The following UBA7 variants were observed in gnomAD, a reference collection of about 807,000 sequenced individuals.
UBA7 encodes ubiquitin-like modifier-activating enzyme 7.
A neutral mutation model predicts 113.0 loss-of-function variants in UBA7; 88 were observed. The observed-to-expected ratio is 0.78, with a 90% CI of 0.66 to 0.93. The LOEUF (loss-of-function observed/expected upper bound fraction) is 0.93. UBA7 is among the 40% of genes least tolerant of loss of function. The pLI is 0.00. For synonymous variants in UBA7, 459 were observed against 513.0 expected, an observed-to-expected ratio of 0.89 and a Z score of 1.42; for missense variants, 1,092 against 1,266.4, an observed-to-expected ratio of 0.86 and a Z score of 2.09.
At chr3:49,806,407 G>A in intron 21 of UBA7, 2 of 579,262 alleles carry the variant, frequency 3.5e-6, no homozygotes, top group South Asian at 2.1e-5. Flanking sequence ...CATCACATGG[G>A]CCAGTTGTGA....
At chr3:49,811,214 G>T (rs1419295939) in intron 9 of UBA7, 59 bp downstream of exon 9, 1 of 1,607,716 alleles carries the variant, frequency 6.2e-7, no homozygotes, top group Non-Finnish European at 8.5e-7. Context: ...GGTGCCCTCT[G>T]ACACACACAC....
At chr3:49,811,835 C>A (rs746197925) in intron 8 of UBA7, 35 bp downstream of exon 8, 56 of 1,607,540 alleles carry the variant, frequency 3.5e-5, no homozygotes, top group Non-Finnish European at 4.5e-5. Context: ...CAATAAATGA[C>A]AGAGGCTGGG....
chr3:49,808,099 T>A lies in UBA7; in HGVS notation c.2444A>T (p.Asn815Ile). Reference sequence around the variant, plus strand: ...CGCTACCACAAAGTCCACATGGAAGTTGCTGTCATCATCCTGTAAGGCCCA... The same window carrying A: ...CGCTACCACAAAGTCCACATGGAAGATGCTGTCATCATCCTGTAAGGCCCA... ...PLMFEKDDDSNFHVDFVVAAA... is the reference protein window; with the variant it reads ...PLMFEKDDDSIFHVDFVVAAA... Residue 815 changes from asparagine (N) to isoleucine (I), a missense_variant, in exon 20 of 24, where the codon AAC becomes ATC. By Grantham distance (149) the Asn-to-Ile change is moderately radical. Around this residue, in one of 3 missense-constraint regions of UBA7, gnomAD observed 500 missense variants for 529.3 expected, o/e 0.94. Coordinates refer to ENST00000333486, the MANE Select transcript of UBA7 (RefSeq NM_003335.3). The A allele has an allele frequency of 6.2e-7, 1 of 1,614,066 alleles. No homozygotes were observed. The highest frequency in any genetic ancestry group is 1.1e-5 in the South Asian group (1 of 91,058).
In UBA7 at chr3:49,807,707, G is replaced by T; in HGVS notation, c.2715+29C>A. The T allele has an allele frequency of 1.3e-6, 2 of 1,575,610 alleles. No individual in the cohort carries two copies. Among genetic ancestry groups the T allele is most frequent in the South Asian group, 1.2e-5 (1 of 84,168 alleles). ...GTGCAGGGGAAACCCAGGCCTAGTA[G>T]GGCTAAGGGTGGGGTATCATGGGCT... On this transcript the variant is annotated intron_variant, in intron 21 of 23. Transcript: ENST00000333486. The surrounding 1 kb of genome is among the most constrained non-coding windows in gnomAD (Gnocchi z 4.0).
chr3:49,807,982 C>T lies in UBA7; in HGVS notation c.2523+38G>A. 6.2e-7 allele frequency: 1 copy of T among 1,614,064 alleles called. No homozygotes were observed. The highest frequency in any genetic ancestry group is 8.5e-7 in the Non-Finnish European group (1 of 1,179,962). ...CCAAGGCGTAGGGCCAGGGTTTGCC[C>T]TCCACCTCCAGGCCCAAGCCTCAAG... On this transcript the variant is annotated intron_variant, in intron 20 of 23. Transcript: ENST00000333486. The surrounding 1 kb of genome is among the most constrained non-coding windows in gnomAD (Gnocchi z 4.0).
chr3:49,809,490 G>A (rs1197201978), intron 16 of UBA7, 26 bp from the exon 17 acceptor site: 1 of 1,613,802 alleles, frequency 6.2e-7, no homozygotes, highest in African/African-American at 1.3e-5. Flanking sequence ...GAAGCTGCTG[G>A]GCTCAGTCTG....
At position 49,805,883 on chromosome 3, in the gene UBA7, C is replaced by T. The variant is rs1256638677; in HGVS notation, c.2909+14G>A. On this transcript the variant is annotated intron_variant, in intron 23 of 23. Transcript: ENST00000333486. ...GGACTGGTGGGGCCTGTCTAAAGCC[C>T]CAAGTGGGCTCACCTGAGGGGCAGG... 6.4e-7 allele frequency: 1 copy of T among 1,551,128 alleles called. No individual in the cohort carries two copies. Among genetic ancestry groups the T allele is most frequent in the Non-Finnish European group, 8.7e-7 (1 of 1,147,098 alleles).
chr3:49,812,064 C>G, intron 7 of UBA7, 45 bp downstream of exon 7: 1 of 1,614,196 alleles, frequency 6.2e-7, no homozygotes, highest in Non-Finnish European at 8.5e-7. Context: ...CTATGGGCCC[C>G]TCAAGGCGAC....
At position 49,809,101 on chromosome 3, in the gene UBA7, A is replaced by G; in HGVS notation, c.2222T>C (p.Leu741Pro). ...AANLYAQMHG[L>P]PGSQDWTALR... ...TGCAGTCCAGTCCTGTGAGCCAGGC[A>G]GCCCATGCATCTGGGCATACAGGTT... The change falls in exon 18 of 24, where the codon CTG becomes CCG. Residue 741 changes from leucine to proline, a missense_variant. This residue lies in a region of UBA7 where 500 missense variants were observed against 529.3 expected (regional missense o/e 0.94). Transcript: ENST00000333486. 6.2e-7 allele frequency: 1 copy of G among 1,613,636 alleles called. No individual in the cohort carries two copies. The highest frequency in any genetic ancestry group is 2.2e-5 in the East Asian group (1 of 44,876).
Position 49,810,066 on chromosome 3 carries a change from G to C in UBA7, c.1751C>G (p.Ala584Gly). The part of the protein sequence containing the change: ...FMPHVTEAYR[A>G]PASAAASEDA... ...CTCAGAAGCTGCAGCTGAGGCAGGG[G>C]CTCTGTAGGCCTCAGTCACATGTGG... Residue 584 changes from alanine (A) to glycine (G), a missense_variant, in exon 14 of 24, where the codon GCC becomes GGC. Transcript: ENST00000333486. The surrounding 1 kb of genome is among the most constrained non-coding windows in gnomAD (Gnocchi z 5.6). The C allele has an allele frequency of 6.2e-7, 1 of 1,613,482 alleles. No homozygotes were observed. Among genetic ancestry groups the C allele is most frequent in the Non-Finnish European group, 8.5e-7 (1 of 1,179,996 alleles).
At chr3:49,812,943 G>T in intron 4 of UBA7, 119 bp downstream of exon 4, 3 of 1,270,746 alleles carry the variant, frequency 2.4e-6, no homozygotes, top group South Asian at 1.4e-5. Context: ...AATCAGAAAG[G>T]CATGCTGGGA....
intron 8 of UBA7, 192 bp downstream of exon 8, chr3:49,811,678 A>G: frequency 8.8e-7 from 1 of 1,140,108 alleles, no homozygotes; most frequent in Non-Finnish European, 1.2e-6. Flanking sequence ...CTTCCAGCAC[A>G]GATCTGAGGG....
chr3:49,813,006 G>A, intron 4 of UBA7, 56 bp downstream of exon 4: 1 of 1,575,182 alleles, frequency 6.3e-7, no homozygotes, highest in Non-Finnish European at 8.7e-7. Flanking sequence ...GCTGAGGACA[G>A]CATGAGGCCA....
rs1252286794 is a variant in UBA7 at position 49,807,444 on chromosome 3, C to T, written c.2715+292G>A. Among the ~76,000 whole-genome samples, 1 of 152,166 alleles carries T rather than the reference C, an allele frequency of 6.6e-6. No homozygotes were observed. Among genetic ancestry groups the T allele is most frequent in the East Asian group, 1.9e-4 (1 of 5,194 alleles). ...CCACTACCTACCCCTCAGGGGTACT[C>T]CAAGGAAGGAGGGGACTGTGGGGGA... On this transcript the variant is annotated intron_variant, in intron 21 of 23. Transcript: ENST00000333486. This position sits in a 1 kb window ranked among gnomAD's most constrained non-coding sequence, Gnocchi z 4.0.
chr3:49,805,427 G>C lies in UBA7; in HGVS notation c.2920C>G (p.Leu974Val). 2 of 1,602,292 alleles carry C rather than the reference G, an allele frequency of 1.2e-6. No homozygotes were observed. Among genetic ancestry groups the C allele is most frequent in the Non-Finnish European group, 1.7e-6 (2 of 1,176,200 alleles). The change falls in exon 24 of 24, where the codon CTG becomes GTG. Residue 974 changes from leucine (L) to valine (V), a missense_variant. Coordinates refer to ENST00000333486, the MANE Select transcript of UBA7 (RefSeq NM_003335.3). ...AQHLPLRVTE[L>V]VQQLTGQAPA... ...GCCTGGCCTGTCAGCTGCTGAACCA[G>C]TTCTGTCACCCTGGTAGGGGTGGGT...
rs371092189 is a variant in UBA7 at position 49,809,848 on chromosome 3, C to G, written c.1871G>C (p.Arg624Pro). 11 of 1,613,954 alleles carry G rather than the reference C, an allele frequency of 6.8e-6. No individual in the cohort carries two copies. The highest frequency in any genetic ancestry group is 9.3e-6 in the Non-Finnish European group (11 of 1,180,014). Residue 624 changes from arginine to proline, a missense_variant, in exon 15 of 24, where the codon CGA (arginine) becomes CCA (proline). Around this residue, in one of 3 missense-constraint regions of UBA7, gnomAD observed 500 missense variants for 529.3 expected, o/e 0.94. Transcript: ENST00000333486. The stretch of plus-strand genomic sequence containing the variant: ...GTGGTTGATGGTCTCTGCAGACAGT[C>G]GGAAGAGTTCTTCAAACTCATGCCG... The part of the protein sequence containing the change: ...WARHEFEELF[R>P]LSAETINHHQ...
At chr3:49,811,234 C>A (rs758140512) in intron 9 of UBA7, 39 bp downstream of exon 9, 1 of 1,612,172 alleles carries the variant, frequency 6.2e-7, no homozygotes, top group Non-Finnish European at 8.5e-7. Flanking sequence ...CTGATCTCCA[C>A]ATCTTCCCAG....
At position 49,813,674 on chromosome 3, in the gene UBA7, A is replaced by G. The variant is rs757196646; in HGVS notation, c.57-27T>C. ...TGTGGATGGGAAGCAGAAGGCAAGC[A>G]GTTGTAGATCAAGGTCTGAAGACCA... On this transcript the variant is annotated intron_variant, in intron 1 of 23. Transcript: ENST00000333486. 18 of 1,614,124 alleles carry G rather than the reference A, an allele frequency of 1.1e-5. No homozygotes were observed. In the African/African-American group the frequency reaches 2.0e-4, roughly 18 times the overall value.
rs763477957 is a variant in UBA7, at chr3:49,813,628, C to T, written c.76G>A (p.Ala26Thr). The T allele has an allele frequency of 6.2e-7, 1 of 1,614,226 alleles. No individual in the cohort carries two copies. ...CTGGCTCCCTGAATCCTCTGCATGG[C>T]AGGTGAGCCCAGCACATACCTGTGG... ...SRQLYVLGSP[A>T]MQRIQGARVL... Residue 26 changes from alanine to threonine, a missense_variant, in exon 2 of 24, where the codon GCC (alanine) becomes ACC (threonine). Transcript: ENST00000333486.
Sources: allele counts gnomAD v4.1 joint callset (sites outside exome capture counted in the v4.1 genomes callset), GRCh38; gene constraint gnomAD v4.1.1; regional missense constraint gnomAD v4.1.1; non-coding constraint Gnocchi (gnomAD v3.1); transcripts MANE v1.5; gene names NCBI Gene and HGNC (gene_info 2026-07-23, HGNC 2026-07-21).